The following TUB variants were observed in gnomAD, a reference collection of about 807,000 sequenced individuals.
TUB encodes the protein TUB bipartite transcription factor, also known as tubby protein homolog.
In TUB, 33 loss-of-function variants were observed where a neutral mutation model predicts 59.7. The observed-to-expected ratio is 0.55, with a 90% CI of 0.42 to 0.74. TUB has a LOEUF of 0.74. Ranked by LOEUF, TUB falls within the 30% of genes least tolerant of loss-of-function variation. The pLI is 0.00. For synonymous variants in TUB, 293 were observed against 256.4 expected, an observed-to-expected ratio of 1.14 and a Z score of -1.36; for missense variants, 659 against 672.0, an observed-to-expected ratio of 0.98 and a Z score of 0.21.
chr11:8,049,296 A>ATGG (rs1285464272), intron 2 of TUB, among the ~76,000 whole-genome samples: 5 of 152,118 alleles, frequency 3.3e-5, no homozygotes, highest in Non-Finnish European at 7.4e-5. Flanking sequence ...CTCAGACCCC[A>ATGG]TGGTGTGTCA....
At chr11:8,049,589 A>ATATATATATATAT (rs1942899702) in intron 2 of TUB, among the ~76,000 whole-genome samples, 7 of 142,800 alleles carry the variant, frequency 4.9e-5, no homozygotes, top group Non-Finnish European at 1.0e-4. Flanking sequence ...ATAGATAGAT[A>ATATATATATATAT]GATAGATAGA....
exon 1 of TUB, chr11:8,019,266 G>A (rs1043735667): frequency 2.4e-6 from 3 of 1,247,658 alleles, no homozygotes; most frequent in East Asian, 3.2e-5. Flanking sequence ...CAGCGCCGCC[G>A]CCGCCCGCGG....
intron 2 of TUB, among the ~76,000 whole-genome samples, chr11:8,065,257 A>T (rs1943215585): frequency 6.6e-6 from 1 of 152,120 alleles, no homozygotes. Context: ...TTTGGGAAGG[A>T]AGCAGACTCC....
intron 2 of TUB, among the ~76,000 whole-genome samples, chr11:8,040,712 TAGG>T (rs1351739009): frequency 6.6e-6 from 1 of 151,954 alleles, no homozygotes; most frequent in Non-Finnish European, 1.5e-5. Context: ...GAAGGAGCAG[TAGG>T]AGGAGGAGGG....
intron 1 of TUB, among the ~76,000 whole-genome samples, chr11:8,085,093 T>C (rs1450218436): frequency 6.6e-6 from 1 of 152,202 alleles, no homozygotes; most frequent in Non-Finnish European, 1.5e-5. Context: ...TCCGTTCTGC[T>C]GCTAGGTTCG....
At chr11:8,099,027 C>G in intron 9 of TUB, 152 bp downstream of exon 9, 1 of 662,816 alleles carries the variant, frequency 1.5e-6, no homozygotes, top group South Asian at 1.8e-5. Context: ...TGGCCTAGGA[C>G]AGGGGCTCTG....
At chr11:8,063,735 G>A (rs1865218136) in intron 2 of TUB, among the ~76,000 whole-genome samples, 1 of 152,054 alleles carries the variant, frequency 6.6e-6, no homozygotes, top group Non-Finnish European at 1.5e-5. Flanking sequence ...AGGTTAAAGG[G>A]CATGAACAAT....
At chr11:8,038,126 G>A (rs1169840696), upstream of TUB, among the ~76,000 whole-genome samples, 1 of 152,212 alleles carries the variant, frequency 6.6e-6, no homozygotes, top group African/African-American at 2.4e-5. Context: ...AGAATGTATA[G>A]AGTGAATGTT....
intron 1 of TUB, among the ~76,000 whole-genome samples, chr11:8,028,317 A>G (rs1942528001): frequency 6.6e-6 from 1 of 152,194 alleles, no homozygotes; most frequent in Admixed American, 6.5e-5. Context: ...GAGTTATAGG[A>G]GTTCTTTACA....
rs1942605265 is a variant in TUB, at chr11:8,033,513, CAG to C, written c.56+14157_56+14158del. ...CCCTGAGGCAGCTCATGGACTTCTT[CAG>C]ACTCTGTAGTTCAGGACATATTGAC... On this transcript the variant is annotated intron_variant, in intron 1 of 11. Coordinates refer to the TUB transcript ENST00000534099. Among the ~76,000 whole-genome samples the C allele has an allele frequency of 2.6e-5, 4 of 152,346 alleles. No homozygotes were observed. The South Asian group carries it at 8.3e-4, about 32-fold the overall frequency.
chr11:8,069,263 T>G (rs1460234585), intron 2 of TUB: 1 of 152,210 alleles, frequency 6.6e-6, no homozygotes, highest in Non-Finnish European at 1.5e-5. Context: ...TTGCTTATGC[T>G]GAAAATCAGC....
intron 1 of TUB, among the ~76,000 whole-genome samples, chr11:8,028,533 T>G (rs1192925193): frequency 6.6e-6 from 1 of 152,260 alleles, no homozygotes; most frequent in African/African-American, 2.4e-5. Flanking sequence ...TTACCTGTTT[T>G]CTTCAGTGTT....
At chr11:8,074,630 T>C (rs1437104052) in intron 2 of TUB, among the ~76,000 whole-genome samples, 2 of 151,274 alleles carry the variant, frequency 1.3e-5, no homozygotes, top group Admixed American at 1.3e-4. Context: ...TCCCAGCTAC[T>C]CTGGAGGCTG....
intron 1 of TUB, among the ~76,000 whole-genome samples, chr11:8,021,651 C>T (rs908198918): frequency 2.6e-5 from 4 of 151,954 alleles, no homozygotes; most frequent in African/African-American, 9.7e-5. Context: ...CGTGGTGGCT[C>T]ACGCCTGTAA....
intron 1 of TUB, among the ~76,000 whole-genome samples, chr11:8,022,665 G>A (rs569524435): frequency 7.2e-5 from 11 of 152,298 alleles, no homozygotes; most frequent in Admixed American, 1.3e-4. Context: ...CAAGGCGGGC[G>A]GATTACCTGA....
intron 2 of TUB, among the ~76,000 whole-genome samples, chr11:8,048,808 ATGT>A (rs1276394878): frequency 3.9e-5 from 6 of 152,326 alleles, no homozygotes; most frequent in Admixed American, 1.3e-4. Flanking sequence ...ATAATATGTA[ATGT>A]TGTAATGTTA....
chr11:8,036,480 G>A (rs1321762478), upstream of TUB, among the ~76,000 whole-genome samples: 1 of 152,204 alleles, frequency 6.6e-6, no homozygotes, highest in East Asian at 1.9e-4. Flanking sequence ...ACCATTCAGT[G>A]CACTAATGCA....
At chr11:8,020,990 A>T (rs780437370) in intron 1 of TUB, among the ~76,000 whole-genome samples, 3 of 151,742 alleles carry the variant, frequency 2.0e-5, no homozygotes, top group Non-Finnish European at 4.4e-5. Context: ...TGGGAGAAAA[A>T]CTTAAAGTTG....
chr11:8,096,949 C>G, intron 6 of TUB, 143 bp downstream of exon 6: 2 of 1,005,496 alleles, frequency 2.0e-6, no homozygotes, highest in Non-Finnish European at 3.0e-6. Flanking sequence ...GCCTCCTAAC[C>G]TCTTCAGCTA....
Sources: allele counts gnomAD v4.1 joint callset (sites outside exome capture counted in the v4.1 genomes callset), GRCh38; gene constraint gnomAD v4.1.1; transcripts MANE v1.5; gene names NCBI Gene and HGNC (gene_info 2026-07-23, HGNC 2026-07-21).